The following PIP4K2A variants were observed in gnomAD, a reference collection of about 807,000 sequenced individuals.
The protein encoded by PIP4K2A is phosphatidylinositol-5-phosphate 4-kinase type 2 alpha.
PIP4K2A carries 14 observed loss-of-function variants against 42.9 expected under a neutral mutation model. The ratio of observed to expected loss-of-function variants is 0.33; its 90% CI spans 0.22 to 0.51. PIP4K2A has a LOEUF of 0.51. Among genes scored for constraint, PIP4K2A ranks in the 20% least tolerant of loss-of-function variants. The probability of loss-of-function intolerance (pLI) is 0.97; values close to 1 mark genes in which losing one functional copy is unlikely to be tolerated. For missense variants in PIP4K2A, 434 were observed against 519.8 expected (o/e 0.83, Z 1.61); for synonymous variants, 192 against 192.2 (o/e 1.00, Z 0.01).
At chr10:22,620,486 T>C (rs1452562550) in intron 1 of PIP4K2A, among the ~76,000 whole-genome samples, 3 of 152,266 alleles carry the variant, frequency 2.0e-5, no homozygotes, top group Admixed American at 6.5e-5. Context: ...CCCAGCACTC[T>C]TGATCTCGCT....
intron 1 of PIP4K2A, among the ~76,000 whole-genome samples, chr10:22,654,790 A>AT (rs1033847060): frequency 1.3e-4 from 20 of 152,200 alleles, no homozygotes; most frequent in African/African-American, 4.8e-4. Context: ...TCATCCAGCT[A>AT]TATCTCAAGG....
intron 1 of PIP4K2A, among the ~76,000 whole-genome samples, chr10:22,653,874 A>AAAAT (rs45584635): frequency 6.6e-6 from 1 of 152,030 alleles, no homozygotes; most frequent in African/African-American, 2.4e-5. Flanking sequence ...ACTCCATCTC[A>AAAAT]AAATAAATAA....
chr10:22,541,752 C>A (rs1836119527), intron 8 of PIP4K2A, 52 bp downstream of exon 8: 1 of 1,495,612 alleles, frequency 6.7e-7, no homozygotes, highest in Non-Finnish European at 8.9e-7. Context: ...GATAACAAGG[C>A]CAAAGTCAAA....
chr10:22,697,148 A>G (rs937041277), intron 1 of PIP4K2A, among the ~76,000 whole-genome samples: 2 of 152,170 alleles, frequency 1.3e-5, no homozygotes, highest in Non-Finnish European at 2.9e-5. Context: ...TAAAAAAAAA[A>G]AAAAGGCTAC....
At chr10:22,573,505 T>C in intron 4 of PIP4K2A, 48 bp from the exon 5 acceptor site, 1 of 1,541,996 alleles carries the variant, frequency 6.5e-7, no homozygotes, top group Non-Finnish European at 8.8e-7. Flanking sequence ...ATCAAAAGAT[T>C]GCTTCCTTAG....
intron 1 of PIP4K2A, among the ~76,000 whole-genome samples, chr10:22,698,184 T>C (rs1840008416): frequency 6.6e-6 from 1 of 152,314 alleles, no homozygotes; most frequent in East Asian, 1.9e-4. Context: ...ACTCCCACAC[T>C]GCCCATGTGC....
intron 4 of PIP4K2A, among the ~76,000 whole-genome samples, chr10:22,579,473 C>G (rs115017556): frequency 6.6e-6 from 1 of 152,200 alleles, no homozygotes; most frequent in Non-Finnish European, 1.5e-5. Flanking sequence ...GTCACGTGCA[C>G]AACAATTAGA....
chr10:22,622,187 G>A (rs1838346038), intron 1 of PIP4K2A, among the ~76,000 whole-genome samples: 1 of 152,224 alleles, frequency 6.6e-6, no homozygotes, highest in African/African-American at 2.4e-5. Flanking sequence ...AAGTAGTAGA[G>A]GATTGTTAGC....
chr10:22,676,880 T>G (rs1839570021), intron 1 of PIP4K2A, among the ~76,000 whole-genome samples: 1 of 152,156 alleles, frequency 6.6e-6, no homozygotes, highest in Admixed American at 6.5e-5. Flanking sequence ...CTCAGAGGGA[T>G]GGCAAGAGCT....
At position 22,606,632 on chromosome 10, in the gene PIP4K2A, T is replaced by TAA. The variant is rs1182525818; in HGVS notation, c.339+1293_339+1294dup. On this transcript the variant is annotated intron_variant, in intron 3 of 9. Transcript: ENST00000376573. Reference sequence around the variant, plus strand: ...AGCACAGATCTTTAGGAAAGTGTGCTAACTATCTCAGTTTGCCTGAGGGAC... The same window carrying TAA: ...AGCACAGATCTTTAGGAAAGTGTGCTAAAACTATCTCAGTTTGCCTGAGGGAC... Among the ~76,000 whole-genome samples, 7 of 152,354 alleles carry TAA rather than the reference T, an allele frequency of 4.6e-5. No individual in the cohort carries two copies. The South Asian group carries it at 1.2e-3, about 27-fold the overall frequency.
chr10:22,568,175 C>T (rs1256662339), intron 5 of PIP4K2A, among the ~76,000 whole-genome samples: 4 of 152,256 alleles, frequency 2.6e-5, no homozygotes, highest in Non-Finnish European at 5.9e-5. Flanking sequence ...AGTTAGAAAA[C>T]CTGACCATCA....
chr10:22,656,033 G>A lies in PIP4K2A; in HGVS notation c.145-46316C>T, dbSNP rs77303453. 3.0e-3 allele frequency among the ~76,000 whole-genome samples: 463 copies of A among 152,240 alleles called. 1 individual carries two copies. The highest frequency in any genetic ancestry group is 0.01 in the African/African-American group (435 of 41,530). ...AATCCTTAAGGGGCAAGTTCCTATC[G>A]ATCTGCTCTACGGAGCATTAAGACC... On this transcript the variant is annotated intron_variant, in intron 1 of 9. Coordinates refer to ENST00000376573, the MANE Select transcript of PIP4K2A (RefSeq NM_005028.5).
intron 1 of PIP4K2A, among the ~76,000 whole-genome samples, chr10:22,614,249 A>G (rs1382776176): frequency 6.6e-6 from 1 of 152,266 alleles, no homozygotes; most frequent in African/African-American, 2.4e-5. Flanking sequence ...AAATGAGACA[A>G]GAAGAAAAAT....
chr10:22,539,907 GAGAGGGA>G (rs1836054177), intron 9 of PIP4K2A, 57 bp downstream of exon 9: 52 of 159,510 alleles, frequency 3.3e-4, no homozygotes, highest in Middle Eastern at 3.4e-3. Flanking sequence ...GAGAGAGAGA[GAGAGGGA>G]GAGAGAGAGA....
chr10:22,638,049 C>T (rs151171529), intron 1 of PIP4K2A, among the ~76,000 whole-genome samples: 13 of 152,268 alleles, frequency 8.5e-5, no homozygotes, highest in African/African-American at 2.6e-4. Flanking sequence ...TCACCTTCCT[C>T]CTGAACAGTC....
chr10:22,635,470 G>C (rs1203117235), intron 1 of PIP4K2A, among the ~76,000 whole-genome samples: 1 of 152,186 alleles, frequency 6.6e-6, no homozygotes, highest in Non-Finnish European at 1.5e-5. Context: ...AAAAGGCTGT[G>C]ATAGTATTGA....
chr10:22,540,591 C>G (rs549809950), intron 8 of PIP4K2A, among the ~76,000 whole-genome samples: 1 of 152,082 alleles, frequency 6.6e-6, no homozygotes, highest in Non-Finnish European at 1.5e-5. Context: ...GAGTTTTGTT[C>G]TTGTTGCCCA....
chr10:22,650,519 A>G (rs1838972888), intron 1 of PIP4K2A, among the ~76,000 whole-genome samples: 2 of 141,054 alleles, frequency 1.4e-5, no homozygotes, highest in African/African-American at 2.5e-5. Flanking sequence ...GTAGTCCACC[A>G]TGAAATACAG....
At chr10:22,663,622 G>C (rs1839250952) in intron 1 of PIP4K2A, among the ~76,000 whole-genome samples, 1 of 151,980 alleles carries the variant, frequency 6.6e-6, no homozygotes, top group Non-Finnish European at 1.5e-5. Flanking sequence ...AAAAATCACT[G>C]ACTATCATCT....
Sources: gnomAD v4.1 joint callset for allele counts (sites outside exome capture counted in the v4.1 genomes callset) on GRCh38, gnomAD v4.1.1 for gene constraint, MANE v1.5 for transcripts, NCBI Gene and HGNC (gene_info 2026-07-23, HGNC 2026-07-21) for gene names.